Variants in EEFSEC observed in about 807,000 individuals in gnomAD.
The protein encoded by EEFSEC is selenocysteine-specific elongation factor.
EEFSEC carries 43 observed loss-of-function variants against 42.1 expected under a neutral mutation model. The ratio of observed to expected loss-of-function variants is 1.02; its 90% CI spans 0.80 to 1.32. The LOEUF (loss-of-function observed/expected upper bound fraction) is 1.32, where lower values mean the gene tolerates loss of function less well. Ranked by LOEUF, EEFSEC falls within the 40% of genes most tolerant of loss-of-function variation. The pLI, the probability that EEFSEC is intolerant of heterozygous loss-of-function variation, is 0.00. For missense variants in EEFSEC, 745 were observed against 803.6 expected, an observed-to-expected ratio of 0.93 and a Z score of 0.88; for synonymous variants, 354 against 339.1, an observed-to-expected ratio of 1.04 and a Z score of -0.48.
At chr3:128,398,815 C>T (rs57063879) in intron 6 of EEFSEC, among the ~76,000 whole-genome samples, 6,115 of 152,106 alleles carry the variant, frequency 0.04, 182 homozygotes, top group African/African-American at 0.083. Context: ...ACTAGGAATG[C>T]ACCTCACGGA....
intron 6 of EEFSEC, among the ~76,000 whole-genome samples, chr3:128,395,116 G>T (rs2067966010): frequency 6.6e-6 from 1 of 152,228 alleles, no homozygotes; most frequent in Non-Finnish European, 1.5e-5. Flanking sequence ...CCCCGGGCAG[G>T]CCTGTCCCCC....
downstream of EEFSEC, among the ~76,000 whole-genome samples, chr3:128,411,147 C>T (rs1011005728): frequency 6.6e-6 from 1 of 152,222 alleles, no homozygotes; most frequent in East Asian, 1.9e-4. Flanking sequence ...CTAGCCGGGA[C>T]GGTGGGCAGG....
At chr3:128,200,032 C>A (rs963453745) in intron 1 of EEFSEC, among the ~76,000 whole-genome samples, 1 of 152,014 alleles carries the variant, frequency 6.6e-6, no homozygotes, top group Non-Finnish European at 1.5e-5. Context: ...CCGTGCCCAG[C>A]CTAAAAATAT....
chr3:128,188,877 G>A (rs376883083), intron 1 of EEFSEC, among the ~76,000 whole-genome samples: 9 of 152,260 alleles, frequency 5.9e-5, no homozygotes, highest in African/African-American at 2.2e-4. Context: ...CTCCAGCCCC[G>A]CTCACCTGGG....
intron 5 of EEFSEC, among the ~76,000 whole-genome samples, chr3:128,342,136 C>G (rs2067262684): frequency 6.6e-6 from 1 of 152,248 alleles, no homozygotes; most frequent in African/African-American, 2.4e-5. Context: ...CAATCCCACC[C>G]AGCTATCCCA....
chr3:128,341,269 A>G lies in EEFSEC; in HGVS notation c.823A>G (p.Met275Val), dbSNP rs1329775044. The part of the protein sequence containing the change: ...KKVKSMQMFH[M>V]PITSAMQGDR... ...GGTGAAGTCCATGCAGATGTTCCAC[A>G]TGCCCATCACTTCAGCCATGCAAGG... The change falls in exon 5 of 7, where the codon ATG becomes GTG. Residue 275 changes from methionine (M) to valine (V), a missense_variant. Transcript: ENST00000254730. 6.2e-7 allele frequency: 1 copy of G among 1,613,356 alleles called. No homozygotes were observed. The highest frequency in any genetic ancestry group is 1.3e-5 in the African/African-American group (1 of 74,914).
intron 4 of EEFSEC, among the ~76,000 whole-genome samples, chr3:128,277,762 T>G (rs2066484092): frequency 6.6e-6 from 1 of 152,240 alleles, no homozygotes; most frequent in African/African-American, 2.4e-5. Context: ...ACATATGGCC[T>G]GAGATGGGGC....
At chr3:128,327,306 G>A (rs1193023853) in intron 4 of EEFSEC, among the ~76,000 whole-genome samples, 1 of 85,712 alleles carries the variant, frequency 1.2e-5, no homozygotes, top group East Asian at 3.1e-4. Context: ...CCCCCCCCAA[G>A]GTTGTCCCCC....
At chr3:128,327,953 C>A (rs1034075401) in intron 4 of EEFSEC, among the ~76,000 whole-genome samples, 2 of 152,106 alleles carry the variant, frequency 1.3e-5, no homozygotes, top group African/African-American at 4.8e-5. Context: ...GAAGGGCGCC[C>A]ATGAGGAAGG....
At chr3:128,253,043 G>C (rs2066204089) in intron 2 of EEFSEC, among the ~76,000 whole-genome samples, 1 of 152,202 alleles carries the variant, frequency 6.6e-6, no homozygotes, top group Non-Finnish European at 1.5e-5. Context: ...CAGAAGCCAG[G>C]GTGCCCTAAT....
At chr3:128,275,151 C>T (rs1384823182) in intron 4 of EEFSEC, among the ~76,000 whole-genome samples, 4 of 152,128 alleles carry the variant, frequency 2.6e-5, no homozygotes, top group Non-Finnish European at 5.9e-5. Context: ...GGCAGGACCT[C>T]GATACTGGGG....
At chr3:128,342,064 C>G (rs1020804020) in intron 5 of EEFSEC, among the ~76,000 whole-genome samples, 175 bp downstream of exon 5, 1 of 152,260 alleles carries the variant, frequency 6.6e-6, no homozygotes, top group African/African-American at 2.4e-5. Flanking sequence ...GGCCACAGTT[C>G]TCTCAGCTGG....
intron 1 of EEFSEC, among the ~76,000 whole-genome samples, chr3:128,177,004 T>C (rs939732985): frequency 2.7e-5 from 4 of 150,660 alleles, no homozygotes; most frequent in Non-Finnish European, 5.9e-5. Flanking sequence ...ATTATTATTA[T>C]TATTATTTTT....
chr3:128,271,022 A>C (rs576627760), intron 4 of EEFSEC, among the ~76,000 whole-genome samples: 54 of 152,244 alleles, frequency 3.5e-4, no homozygotes, highest in Non-Finnish European at 6.2e-4. Flanking sequence ...ATAATAGGAA[A>C]AAGCCAATAA....
chr3:128,266,143 A>G (rs1178624673), intron 4 of EEFSEC, among the ~76,000 whole-genome samples: 1 of 152,164 alleles, frequency 6.6e-6, no homozygotes, highest in African/African-American at 2.4e-5. Flanking sequence ...GCCCACCTAC[A>G]TTATAGGGGT....
At chr3:128,407,458 G>A (rs1159356797) in intron 6 of EEFSEC, among the ~76,000 whole-genome samples, 1 of 152,180 alleles carries the variant, frequency 6.6e-6, no homozygotes, top group Non-Finnish European at 1.5e-5. Flanking sequence ...GTGGGGCAGG[G>A]AGCCCCAGCG....
At chr3:128,211,854 T>C (rs1221781518) in intron 1 of EEFSEC, among the ~76,000 whole-genome samples, 6 of 110,622 alleles carry the variant, frequency 5.4e-5, no homozygotes, top group African/African-American at 2.1e-4. Context: ...TTTTCTTTTT[T>C]TTTTTTTTTT....
chr3:128,405,681 G>C (rs1421279917), intron 6 of EEFSEC, among the ~76,000 whole-genome samples: 5 of 152,264 alleles, frequency 3.3e-5, no homozygotes, highest in Middle Eastern at 6.3e-3. Flanking sequence ...TAGCTGCCTT[G>C]ACTTTTCAGG....
At chr3:128,385,189 C>T (rs2067824177) in intron 6 of EEFSEC, among the ~76,000 whole-genome samples, 1 of 152,202 alleles carries the variant, frequency 6.6e-6, no homozygotes. Context: ...CCAGGCTCTC[C>T]AGAGCAGTCC....
Sources: gnomAD v4.1 joint callset for allele counts (sites outside exome capture counted in the v4.1 genomes callset) on GRCh38, gnomAD v4.1.1 for gene constraint, MANE v1.5 for transcripts, NCBI Gene and HGNC (gene_info 2026-07-23, HGNC 2026-07-21) for gene names.